COL5A2: variants seen among roughly 807,000 people sequenced by gnomAD.
COL5A2 encodes the protein collagen alpha-2(V) chain.
A neutral mutation model predicts 208.2 loss-of-function variants in COL5A2; 23 were observed. The ratio of observed to expected loss-of-function variants is 0.11; its 90% CI spans 0.08 to 0.16. COL5A2 has a LOEUF of 0.16. Among genes scored for constraint, COL5A2 ranks in the 10% least tolerant of loss-of-function variants. The pLI is 1.00. For synonymous variants in COL5A2, 625 were observed against 628.5 expected (o/e 0.99, Z 0.08); for missense variants, 1,590 against 1,956.4 (o/e 0.81, Z 3.53).
the COL5A2 span, among the ~76,000 whole-genome samples, chr2:189,416,905 A>G: frequency 6.6e-6 from 1 of 152,122 alleles, no homozygotes; most frequent in East Asian, 1.9e-4. Flanking sequence ...AATGCATAAG[A>G]TAAGAGCTTT....
chr2:189,290,723 C>CACACACACACACACACAT, the COL5A2 span, among the ~76,000 whole-genome samples: 1 of 149,918 alleles, frequency 6.7e-6, no homozygotes, highest in African/African-American at 2.5e-5. Context: ...TTAATACACA[C>CACACACACACACACACAT]ACACACACAC....
At chr2:189,197,916 C>G (rs527639109) in intron 1 of COL5A2, among the ~76,000 whole-genome samples, 3 of 150,898 alleles carry the variant, frequency 2.0e-5, no homozygotes, top group Admixed American at 6.6e-5. Context: ...GCGGCACGAT[C>G]TAGGCTCACT....
the COL5A2 span, among the ~76,000 whole-genome samples, chr2:189,409,202 C>CTT: frequency 4.7e-4 from 42 of 89,814 alleles, 1 homozygote; most frequent in South Asian, 1.8e-3. Flanking sequence ...TATAAATTTA[C>CTT]TCTTTTTTTT....
intron 12 of COL5A2, among the ~76,000 whole-genome samples, chr2:189,082,688 A>G (rs1013799021): frequency 5.3e-5 from 8 of 152,206 alleles, no homozygotes; most frequent in African/African-American, 1.9e-4. Flanking sequence ...CTGACCCAGG[A>G]CTGTCATTAC....
chr2:189,144,250 AG>A (rs1330498021), intron 1 of COL5A2, among the ~76,000 whole-genome samples: 1 of 152,194 alleles, frequency 6.6e-6, no homozygotes, highest in Admixed American at 6.5e-5. Context: ...GAGAAAAAAA[AG>A]GTACAGTTTG....
the COL5A2 span, among the ~76,000 whole-genome samples, chr2:189,249,243 T>G: frequency 2.0e-5 from 3 of 152,182 alleles, no homozygotes; most frequent in African/African-American, 7.2e-5. Context: ...AAAATAGAGA[T>G]AGTTTACATG....
chr2:189,057,160 A>G (rs1467246810), intron 34 of COL5A2, 134 bp from the exon 35 acceptor site: 1 of 1,096,800 alleles, frequency 9.1e-7, no homozygotes, highest in South Asian at 1.3e-5. Flanking sequence ...GGTGCCTCAC[A>G]CTGTGCATTT....
At chr2:189,352,905 G>C in the COL5A2 span, among the ~76,000 whole-genome samples, 2 of 152,060 alleles carry the variant, frequency 1.3e-5, no homozygotes, top group African/African-American at 2.4e-5. Context: ...TTTCTTCTGG[G>C]GTTTTTATAG....
At chr2:189,123,985 C>T (rs1222272077) in intron 1 of COL5A2, among the ~76,000 whole-genome samples, 4 of 152,094 alleles carry the variant, frequency 2.6e-5, no homozygotes, top group Non-Finnish European at 5.9e-5. Flanking sequence ...TCTTAAGTCA[C>T]ACTCTAAATG....
chr2:189,414,882 G>A, the COL5A2 span, among the ~76,000 whole-genome samples: 1 of 151,830 alleles, frequency 6.6e-6, no homozygotes, highest in Admixed American at 6.6e-5. Flanking sequence ...TATATTTTGT[G>A]GATACATAAA....
At chr2:189,253,575 A>G in the COL5A2 span, among the ~76,000 whole-genome samples, 12 of 152,324 alleles carry the variant, frequency 7.9e-5, no homozygotes, top group Admixed American at 3.3e-4. Context: ...CATATATTGC[A>G]TGTTTACCTT....
intron 43 of COL5A2, 128 bp from the exon 44 acceptor site, chr2:189,049,582 A>G (rs1685741175): frequency 1.4e-6 from 1 of 730,018 alleles, no homozygotes; most frequent in South Asian, 1.5e-5. Context: ...TTATCTTACA[A>G]CACTCATGTA....
chr2:189,188,815 C>A, intron 1 of COL5A2, among the ~76,000 whole-genome samples: 1 of 152,276 alleles, frequency 6.6e-6, no homozygotes, highest in East Asian at 1.9e-4. Context: ...AATTATGTGG[C>A]GACCAGAGGT....
intron 6 of COL5A2, 44 bp from the exon 7 acceptor site, chr2:189,092,464 A>G (rs1686808631): frequency 4.2e-6 from 5 of 1,179,876 alleles, no homozygotes; most frequent in Non-Finnish European, 6.2e-6. Flanking sequence ...TGCCAAATAT[A>G]CACTTAGTAG....
the COL5A2 span, among the ~76,000 whole-genome samples, chr2:189,308,822 T>C: frequency 0.14 from 21,470 of 152,156 alleles, 1,941 homozygotes; most frequent in South Asian, 0.21. Flanking sequence ...AAATTCATGT[T>C]ACACACATTG....
chr2:189,185,645 C>G (rs559466279), intron 1 of COL5A2, among the ~76,000 whole-genome samples: 6 of 152,268 alleles, frequency 3.9e-5, no homozygotes, highest in African/African-American at 1.4e-4. Flanking sequence ...ATAAAACCCA[C>G]GAGCATGTTC....
chr2:189,322,712 G>T, the COL5A2 span, among the ~76,000 whole-genome samples: 5 of 152,268 alleles, frequency 3.3e-5, no homozygotes, highest in South Asian at 6.2e-4. Context: ...AAACGTCCAG[G>T]ACCAGACGGA....
At chr2:189,037,545 GTTAAC>G (rs1321547392) in intron 51 of COL5A2, among the ~76,000 whole-genome samples, 1 of 152,158 alleles carries the variant, frequency 6.6e-6, no homozygotes, top group Non-Finnish European at 1.5e-5. Flanking sequence ...TCATTTCAAA[GTTAAC>G]TTAAATTCTT....
At chr2:189,409,381 TC>T in the COL5A2 span, among the ~76,000 whole-genome samples, 1 of 151,994 alleles carries the variant, frequency 6.6e-6, no homozygotes, top group Non-Finnish European at 1.5e-5. Flanking sequence ...CCAGCTTAAA[TC>T]CACTCTTAAT....
Sources: allele counts gnomAD v4.1 joint callset (sites outside exome capture counted in the v4.1 genomes callset), GRCh38; gene constraint gnomAD v4.1.1; transcripts MANE v1.5; gene names NCBI Gene and HGNC (gene_info 2026-07-23, HGNC 2026-07-21).